DGLUCY: variants seen among roughly 807,000 people sequenced by gnomAD.
DGLUCY encodes D-glutamate cyclase, also known as D-glutamate cyclase, mitochondrial.
DGLUCY carries 58 observed loss-of-function variants against 58.5 expected under a neutral mutation model. The ratio of observed to expected loss-of-function variants is 0.99; its 90% CI spans 0.80 to 1.23. The LOEUF (loss-of-function observed/expected upper bound fraction) is 1.23. DGLUCY is among the 50% of genes most tolerant of loss of function. The pLI is 0.00. For missense variants in DGLUCY, 779 were observed against 784.7 expected (o/e 0.99, Z 0.09); for synonymous variants, 325 against 314.1 (o/e 1.03, Z -0.37).
chr14:91,217,976 C>T (rs1403280840), intron 13 of DGLUCY, among the ~76,000 whole-genome samples: 1 of 152,174 alleles, frequency 6.6e-6, no homozygotes, highest in Non-Finnish European at 1.5e-5. Context: ...CTCTGAGAAG[C>T]CGATGGCTTG....
At chr14:91,191,866 C>T (rs2049917697) in intron 9 of DGLUCY, among the ~76,000 whole-genome samples, 1 of 152,066 alleles carries the variant, frequency 6.6e-6, no homozygotes, top group East Asian at 1.9e-4. Context: ...GGAAGACTGG[C>T]AGGTTTAGGG....
At chr14:91,186,059 G>A (rs568000032) in intron 8 of DGLUCY, among the ~76,000 whole-genome samples, 48 of 152,210 alleles carry the variant, frequency 3.2e-4, no homozygotes, top group African/African-American at 9.6e-4. Context: ...TGAGGTGCCT[G>A]GGGAATATGA....
chr14:91,064,622 C>CA (rs35830145), intron 1 of DGLUCY, among the ~76,000 whole-genome samples: 7,516 of 56,820 alleles, frequency 0.13, 324 homozygotes, highest in Non-Finnish European at 0.15. Flanking sequence ...GACTCTGTCT[C>CA]AAAAAAAAAA....
intron 9 of DGLUCY, among the ~76,000 whole-genome samples, chr14:91,194,288 C>T (rs1016578156): frequency 1.3e-5 from 2 of 152,054 alleles, no homozygotes; most frequent in South Asian, 2.1e-4. Context: ...AATGATGTGA[C>T]GTTCCCACCG....
intron 10 of DGLUCY, 66 bp downstream of exon 10, chr14:91,196,540 C>A: frequency 2.2e-6 from 3 of 1,350,466 alleles, no homozygotes; most frequent in South Asian, 1.2e-5. Context: ...TTCACTTAGC[C>A]AACAAAGTGT....
rs148947813 is a variant in DGLUCY at position 91,163,301 on chromosome 14, G to A, written c.103+2904G>A. 1.6e-3 allele frequency among the ~76,000 whole-genome samples: 251 copies of A among 152,250 alleles called. 3 individuals carry two copies. Among genetic ancestry groups the A allele is most frequent in the African/African-American group, 5.9e-3 (246 of 41,548 alleles). ...AAAATCCAGTTTGTTCTCACAAGGG[G>A]CTTTGGCAGTAAGAAGCGGGTGAGT... On this transcript the variant is annotated intron_variant, in intron 3 of 13. Transcript: ENST00000256324.
chr14:91,181,028 A>G (rs1371303609), intron 7 of DGLUCY, among the ~76,000 whole-genome samples, 158 bp from the exon 8 acceptor site: 1 of 152,222 alleles, frequency 6.6e-6, no homozygotes, highest in Non-Finnish European at 1.5e-5. Flanking sequence ...GTAGCTATAA[A>G]CCAGCTTATT....
At chr14:91,189,256 C>A in intron 9 of DGLUCY, 86 bp downstream of exon 9, 1 of 1,523,012 alleles carries the variant, frequency 6.6e-7, no homozygotes, top group South Asian at 1.2e-5. Context: ...CAGTACAGAG[C>A]ATTCTCCTTC....
chr14:91,116,017 A>T (rs1370226086), intron 1 of DGLUCY, among the ~76,000 whole-genome samples: 1 of 152,124 alleles, frequency 6.6e-6, no homozygotes, highest in Non-Finnish European at 1.5e-5. Context: ...GATAATAATG[A>T]TTCTCGTCCA....
At chr14:91,223,261 A>G (rs1887766106) in intron 13 of DGLUCY, among the ~76,000 whole-genome samples, 1 of 152,242 alleles carries the variant, frequency 6.6e-6, no homozygotes, top group South Asian at 2.1e-4. Context: ...ACCATGTCAC[A>G]TTCACCACTG....
In DGLUCY at chr14:91,102,324, G is replaced by C. The variant is rs150708773; in HGVS notation, c.-82+41620G>C. On this transcript the variant is annotated intron_variant, in intron 1 of 4. Coordinates refer to the DGLUCY transcript ENST00000521334. ...TCTGTGAGGCGATGGATGAAGTCCA[G>C]TATTAGGGTGAATTTAAATCCTTCT... Among the ~76,000 whole-genome samples the C allele has an allele frequency of 3.6e-3, 547 of 152,302 alleles. 2 individuals carry two copies. Among genetic ancestry groups the C allele is most frequent in the African/African-American group, 0.012 (517 of 41,572 alleles).
At chr14:91,162,414 A>G (rs1293080028) in intron 3 of DGLUCY, among the ~76,000 whole-genome samples, 1 of 152,148 alleles carries the variant, frequency 6.6e-6, no homozygotes, top group Non-Finnish European at 1.5e-5. Flanking sequence ...CACAAATCAC[A>G]TTAGACCATA....
upstream of DGLUCY, among the ~76,000 whole-genome samples, chr14:91,104,807 GA>G (rs1462552715): frequency 6.6e-6 from 1 of 152,132 alleles, no homozygotes; most frequent in Non-Finnish European, 1.5e-5. Flanking sequence ...TACCTGGTTG[GA>G]GTCCCAGCTC....
intron 12 of DGLUCY, among the ~76,000 whole-genome samples, chr14:91,205,308 T>G (rs1884368665): frequency 6.6e-6 from 1 of 152,140 alleles, no homozygotes; most frequent in African/African-American, 2.4e-5. Context: ...TTTCTACCTT[T>G]CCTTTCACCT....
chr14:91,132,574 G>A (rs1185485903), intron 1 of DGLUCY, among the ~76,000 whole-genome samples: 1 of 151,652 alleles, frequency 6.6e-6, no homozygotes, highest in Non-Finnish European at 1.5e-5. Context: ...CACCTCCTGA[G>A]TTCAAACGAT....
At chr14:91,150,064 C>A (rs1384278455) in intron 1 of DGLUCY, among the ~76,000 whole-genome samples, 1 of 151,658 alleles carries the variant, frequency 6.6e-6, no homozygotes, top group Non-Finnish European at 1.5e-5. Flanking sequence ...ACTAAAAATA[C>A]AAAAATTAGC....
chr14:91,110,689 A>G (rs1200232169), upstream of DGLUCY, among the ~76,000 whole-genome samples: 1 of 151,600 alleles, frequency 6.6e-6, no homozygotes, highest in Non-Finnish European at 1.5e-5. Flanking sequence ...GCCTGCCTCA[A>G]CCTCCCAAAG....
chr14:91,188,541 T>G (rs2049665958), intron 8 of DGLUCY, among the ~76,000 whole-genome samples: 1 of 152,154 alleles, frequency 6.6e-6, no homozygotes, highest in Non-Finnish European at 1.5e-5. Context: ...AATAATCACT[T>G]TTGGCTGGGT....
At chr14:91,135,974 G>A (rs1223260006) in intron 1 of DGLUCY, among the ~76,000 whole-genome samples, 2 of 112,676 alleles carry the variant, frequency 1.8e-5, no homozygotes, top group African/African-American at 3.3e-5. Context: ...TGGCTCTGTC[G>A]CCCAGGCTGG....
Sources: gnomAD v4.1 joint callset for allele counts (sites outside exome capture counted in the v4.1 genomes callset) on GRCh38, gnomAD v4.1.1 for gene constraint, MANE v1.5 for transcripts, NCBI Gene and HGNC (gene_info 2026-07-23, HGNC 2026-07-21) for gene names.